Variants in IQGAP1 observed in about 807,000 individuals in gnomAD.
The protein encoded by IQGAP1 is ras GTPase-activating-like protein IQGAP1.
A neutral mutation model predicts 215.6 loss-of-function variants in IQGAP1; 66 were observed. The ratio of observed to expected loss-of-function variants is 0.31; its 90% CI spans 0.25 to 0.38. IQGAP1 has a LOEUF of 0.38. IQGAP1 is among the 10% of genes least tolerant of loss of function. The pLI is 1.00. For synonymous variants in IQGAP1, 772 were observed against 728.7 expected (o/e 1.06, Z -0.96); for missense variants, 1,712 against 1,997.1 (o/e 0.86, Z 2.72).
At chr15:90,493,712 G>A (rs1428884656) in intron 35 of IQGAP1, among the ~76,000 whole-genome samples, 1 of 152,066 alleles carries the variant, frequency 6.6e-6, no homozygotes, top group Admixed American at 6.6e-5. Flanking sequence ...AGACTCTCTG[G>A]GGTCAGGCAT....
At chr15:90,435,562 A>G (rs760949089) in intron 5 of IQGAP1, among the ~76,000 whole-genome samples, 1 of 152,226 alleles carries the variant, frequency 6.6e-6, no homozygotes, top group Non-Finnish European at 1.5e-5. Flanking sequence ...TTAGTGTTGC[A>G]TGAGATTTGT....
intron 10 of IQGAP1, 71 bp downstream of exon 10, chr15:90,448,807 G>C: frequency 7.9e-7 from 1 of 1,258,788 alleles, no homozygotes; most frequent in Non-Finnish European, 1.0e-6. Flanking sequence ...GTCATTTAAA[G>C]ATATATATGC....
chr15:90,484,560 G>A (rs892890852), intron 30 of IQGAP1, among the ~76,000 whole-genome samples: 34 of 151,982 alleles, frequency 2.2e-4, no homozygotes, highest in African/African-American at 7.7e-4. Flanking sequence ...CCAGGCTGGA[G>A]TGCAGTGGCG....
At chr15:90,454,330 GAAT>G (rs1395340708) in intron 13 of IQGAP1, 95 bp from the exon 14 acceptor site, 3 of 1,449,624 alleles carry the variant, frequency 2.1e-6, no homozygotes, top group East Asian at 2.3e-5. Flanking sequence ...CTGGTCTTGA[GAAT>G]ATATCAAATG....
intron 9 of IQGAP1, among the ~76,000 whole-genome samples, chr15:90,444,997 C>T (rs1459249982): frequency 6.6e-6 from 1 of 152,108 alleles, no homozygotes; most frequent in Non-Finnish European, 1.5e-5. Flanking sequence ...GTGACATGCG[C>T]CTGTAGTCCC....
chr15:90,395,621 G>A (rs1407515521), intron 2 of IQGAP1, among the ~76,000 whole-genome samples: 3 of 152,154 alleles, frequency 2.0e-5, no homozygotes, highest in Non-Finnish European at 4.4e-5. Context: ...CGCCCGGCCG[G>A]CTAAAGAGCA....
At chr15:90,487,852 G>T (rs1352893931) in intron 33 of IQGAP1, among the ~76,000 whole-genome samples, 1 of 152,060 alleles carries the variant, frequency 6.6e-6, no homozygotes, top group Non-Finnish European at 1.5e-5. Context: ...ATCCACAGGC[G>T]ATTCTTTCCA....
intron 30 of IQGAP1, among the ~76,000 whole-genome samples, chr15:90,484,594 C>T (rs1484151965): frequency 6.6e-6 from 1 of 152,042 alleles, no homozygotes; most frequent in Non-Finnish European, 1.5e-5. Flanking sequence ...CTGCAAGCTC[C>T]ACCTCCTGGG....
chr15:90,425,546 C>G (rs1457416482), intron 2 of IQGAP1, among the ~76,000 whole-genome samples: 1 of 151,928 alleles, frequency 6.6e-6, no homozygotes, highest in Non-Finnish European at 1.5e-5. Flanking sequence ...CAACCTCCTC[C>G]CTGCCTCCAA....
chr15:90,389,878 C>T (rs1211826263), intron 1 of IQGAP1, among the ~76,000 whole-genome samples: 1 of 150,844 alleles, frequency 6.6e-6, no homozygotes, highest in Non-Finnish European at 1.5e-5. Flanking sequence ...TCATTTGAGC[C>T]CAGAAAGTCG....
At chr15:90,422,612 A>ATATATATATATATG (rs1437690776) in intron 2 of IQGAP1, among the ~76,000 whole-genome samples, 2 of 79,364 alleles carry the variant, frequency 2.5e-5, no homozygotes, top group Non-Finnish European at 4.5e-5. Flanking sequence ...TCTCATTCAT[A>ATATATATATATATG]TATATATATA....
intron 4 of IQGAP1, among the ~76,000 whole-genome samples, chr15:90,430,971 A>G (rs1412564832): frequency 1.4e-5 from 2 of 148,084 alleles, no homozygotes; most frequent in Non-Finnish European, 3.0e-5. Context: ...AATATATTGT[A>G]ATATAATTTT....
chr15:90,420,148 A>G (rs1965112846), intron 2 of IQGAP1, among the ~76,000 whole-genome samples: 1 of 152,212 alleles, frequency 6.6e-6, no homozygotes, highest in Non-Finnish European at 1.5e-5. Flanking sequence ...ATAGGAGGAA[A>G]GGCACAAATA....
chr15:90,497,602 C>T (rs1966289442), intron 37 of IQGAP1, among the ~76,000 whole-genome samples: 1 of 152,194 alleles, frequency 6.6e-6, no homozygotes. Context: ...CGAGCTGACA[C>T]CTTGGACTTG....
At chr15:90,389,468 G>A (rs1294242801) in intron 1 of IQGAP1, among the ~76,000 whole-genome samples, 2 of 151,158 alleles carry the variant, frequency 1.3e-5, no homozygotes, top group Non-Finnish European at 2.9e-5. Context: ...GCAGTCTCCC[G>A]AGTACAGGCG....
chr15:90,441,381 T>A (rs931669947), intron 7 of IQGAP1, 125 bp from the exon 8 acceptor site: 1 of 801,332 alleles, frequency 1.2e-6, no homozygotes, highest in Non-Finnish European at 1.9e-6. Context: ...AGTTGTTATT[T>A]CTCTGTGAAA....
intron 18 of IQGAP1, among the ~76,000 whole-genome samples, chr15:90,469,667 A>G (rs1965879555): frequency 6.6e-6 from 1 of 152,238 alleles, no homozygotes; most frequent in Admixed American, 6.5e-5. Context: ...TCACAGCACA[A>G]TAAGGGAAGT....
intron 29 of IQGAP1, among the ~76,000 whole-genome samples, 169 bp from the exon 30 acceptor site, chr15:90,484,051 A>G (rs544553641): frequency 2.6e-5 from 4 of 152,210 alleles, no homozygotes; most frequent in African/African-American, 4.8e-5. Context: ...AGTTATTCGA[A>G]CCACTATCCC....
chr15:90,481,387 C>T (rs930159985), intron 26 of IQGAP1, among the ~76,000 whole-genome samples: 6 of 150,488 alleles, frequency 4.0e-5, no homozygotes, highest in Non-Finnish European at 7.4e-5. Flanking sequence ...CATAGCACTC[C>T]TATCCTTGAA....
Sources: gnomAD v4.1 joint callset for allele counts (sites outside exome capture counted in the v4.1 genomes callset) on GRCh38, gnomAD v4.1.1 for gene constraint, MANE v1.5 for transcripts, NCBI Gene and HGNC (gene_info 2026-07-23, HGNC 2026-07-21) for gene names.